Variants in NCAPD3 observed in about 807,000 individuals in gnomAD.
The protein encoded by NCAPD3 is non-SMC condensin II complex subunit D3.
A neutral mutation model predicts 182.9 loss-of-function variants in NCAPD3; 105 were observed. The ratio of observed to expected loss-of-function variants is 0.57; its 90% confidence interval spans 0.49 to 0.68. The LOEUF is 0.68. Among genes scored for constraint, NCAPD3 ranks in the 30% least tolerant of loss-of-function variants. The probability of loss-of-function intolerance (pLI) is 0.00; values close to 1 mark genes in which losing one functional copy is unlikely to be tolerated. For missense variants in NCAPD3, 1,944 were observed against 1,837.0 expected (o/e 1.06, Z -1.07); for synonymous variants, 815 against 679.9 (o/e 1.20, Z -3.09).
rs1260744644 is a variant in NCAPD3, at chr11:134,185,651, A to G, written c.2046-125T>C. The G allele has an allele frequency of 1.3e-5, 9 of 681,780 alleles. No homozygotes were observed. In the East Asian group the frequency reaches 2.0e-4, roughly 15 times the overall value. 42.2% of individuals were successfully genotyped at this position (681,780 alleles called of 1,614,324 possible). On this transcript the variant is annotated intron_variant, in intron 16 of 34. Coordinates refer to ENST00000534548, the MANE Select transcript of NCAPD3 (RefSeq NM_015261.3). ...AGGACTCAAGTGGCACATGAAACTT[A>G]TATGTAGACGTTCCTAATTAGTGGC...
At chr11:134,153,702 G>T in intron 32 of NCAPD3, 1 of 360,188 alleles carries the variant, frequency 2.8e-6, no homozygotes, top group Non-Finnish European at 5.3e-6. Flanking sequence ...CTCCTACTGT[G>T]GCTCACCCAG....
intron 19 of NCAPD3, chr11:134,183,179 G>C (rs1203300111): frequency 2.2e-6 from 1 of 456,138 alleles, no homozygotes; most frequent in African/African-American, 2.0e-5. Context: ...TTAGGAAAAA[G>C]TCAGAGGCCT....
chr11:134,178,311 CAAGTG>C (rs928272362), intron 22 of NCAPD3, among the ~76,000 whole-genome samples: 9 of 152,018 alleles, frequency 5.9e-5, no homozygotes, highest in African/African-American at 1.9e-4. Flanking sequence ...ATATTCAAGT[CAAGTG>C]AAGGTATTGA....
chr11:134,221,043 A>G (rs1324106769), intron 1 of NCAPD3, among the ~76,000 whole-genome samples: 1 of 152,242 alleles, frequency 6.6e-6, no homozygotes, highest in Non-Finnish European at 1.5e-5. Context: ...TGTTCAATCT[A>G]GAGAAGAAAC....
intron 3 of NCAPD3, among the ~76,000 whole-genome samples, chr11:134,213,995 C>T (rs1408270775): frequency 6.6e-6 from 1 of 151,880 alleles, no homozygotes. Context: ...ATTCCTCTCT[C>T]AACAACAGAT....
intron 3 of NCAPD3, among the ~76,000 whole-genome samples, chr11:134,212,223 G>A (rs909321399): frequency 2.0e-5 from 3 of 152,132 alleles, no homozygotes; most frequent in Non-Finnish European, 1.5e-5. Context: ...AAAATTATAG[G>A]AGATTAATCT....
chr11:134,218,808 A>T (rs919152851), intron 2 of NCAPD3, among the ~76,000 whole-genome samples: 1 of 152,132 alleles, frequency 6.6e-6, no homozygotes, highest in Non-Finnish European at 1.5e-5. Context: ...ATTATTACTC[A>T]TAACACCTGG....
chr11:134,184,949 C>A lies in NCAPD3; in HGVS notation c.2289G>T (p.Gly763=). 2 of 1,613,842 alleles carry A rather than the reference C, an allele frequency of 1.2e-6. No individual in the cohort carries two copies. Among genetic ancestry groups the A allele is most frequent in the Non-Finnish European group, 1.7e-6 (2 of 1,179,818 alleles). Residue 763 remains glycine (G), a synonymous_variant, in exon 18 of 35, where the codon GGG becomes GGT. Transcript: ENST00000534548. Reference sequence around the variant, plus strand: ...TCTTAGGAAGATGCTTTGCAATATGCCCAATCACACAGAGAATATGTCCTA... The same window carrying A: ...TCTTAGGAAGATGCTTTGCAATATGACCAATCACACAGAGAATATGTCCTA... ...NTLGHILCVI[G]HIAKHLPKST...
rs189942398 is a variant in NCAPD3 at position 134,194,558 on chromosome 11, G to A, written c.1689+107C>T. The A allele has an allele frequency of 1.7e-3, 1,197 of 713,018 alleles. 9 individuals carry two copies. The African/African-American group carries it at 0.02, about 12-fold the overall frequency. 44.2% of individuals were successfully genotyped at this position (713,018 alleles called of 1,614,324 possible). On this transcript the variant is annotated intron_variant, in intron 14 of 34. Coordinates refer to ENST00000534548, the MANE Select transcript of NCAPD3 (RefSeq NM_015261.3). ...GATCAGGGTCAACTAACAGTTAGGC[G>A]AAAAGCAAATTAAGTAATGAATATG...
At chr11:134,153,818 A>T (rs145131504) in intron 32 of NCAPD3, 17 of 200,406 alleles carry the variant, frequency 8.5e-5, no homozygotes, top group Admixed American at 2.1e-4. Context: ...CACCGTGAGC[A>T]GCTCCTCCAC....
intron 19 of NCAPD3, chr11:134,183,217 T>A: frequency 6.6e-6 from 3 of 454,724 alleles, no homozygotes; most frequent in South Asian, 4.7e-5. Context: ...CTGCCGGTAG[T>A]AAGTTGTGTA....
chr11:134,168,898 A>C lies in NCAPD3; in HGVS notation c.3239+19T>G. On this transcript the variant is annotated intron_variant, in intron 25 of 34. Transcript: ENST00000534548. ...TCTTACCCAGATACAAGGAGACCAG[A>C]CTTAGCTGCTTCACTGACCTCTCTG... 6.2e-7 allele frequency: 1 copy of C among 1,608,132 alleles called. No individual in the cohort carries two copies. Among genetic ancestry groups the C allele is most frequent in the Non-Finnish European group, 8.5e-7 (1 of 1,176,912 alleles).
intron 24 of NCAPD3, among the ~76,000 whole-genome samples, chr11:134,171,922 G>A (rs1183737650): frequency 3.3e-5 from 5 of 152,154 alleles, no homozygotes; most frequent in African/African-American, 7.2e-5. Context: ...GTGCCTTCCT[G>A]CCTTCACCCA....
intron 24 of NCAPD3, among the ~76,000 whole-genome samples, chr11:134,170,582 G>GAC (rs1943983133): frequency 6.6e-6 from 1 of 152,218 alleles, no homozygotes; most frequent in Non-Finnish European, 1.5e-5. Context: ...AAGCCAGATA[G>GAC]AATCAGCAAA....
chr11:134,153,229 G>C, intron 33 of NCAPD3, 29 bp from the exon 34 acceptor site: 1 of 1,613,926 alleles, frequency 6.2e-7, no homozygotes, highest in Non-Finnish European at 8.5e-7. Flanking sequence ...AACACATTCA[G>C]CTTTCCCAGA....
At position 134,157,099 on chromosome 11, in the gene NCAPD3, G is replaced by C. The variant is rs758070530; in HGVS notation, c.4175-4C>G. 6 of 1,609,132 alleles carry C rather than the reference G, an allele frequency of 3.7e-6. No individual in the cohort carries two copies. Among genetic ancestry groups the C allele is most frequent in the Non-Finnish European group, 5.1e-6 (6 of 1,177,126 alleles). The stretch of plus-strand genomic sequence containing the variant: ...TGCTCCAAACTGTATGAAGACACTA[G>C]AACAGAAAAGGTGCTGCTATCCAGA... On this transcript the variant is annotated splice_polypyrimidine_tract_variant and splice_region_variant and intron_variant, in intron 31 of 34. Transcript: ENST00000534548.
chr11:134,159,904 T>C lies in NCAPD3; in HGVS notation c.3855A>G (p.Ala1285=), dbSNP rs1441742315. 1 of 1,612,702 alleles carries C rather than the reference T, an allele frequency of 6.2e-7. No homozygotes were observed. The highest frequency in any genetic ancestry group is 1.7e-5 in the Admixed American group (1 of 59,994). Residue 1285 remains alanine, a synonymous_variant, in exon 29 of 35, where the codon GCA becomes GCG. Coordinates refer to ENST00000534548, the MANE Select transcript of NCAPD3 (RefSeq NM_015261.3). ...GCCCCACACCTACCTGTGCCACAGG[T>C]GCCACCTCAGCACCTCCAGCCGTCC... is the stretch of plus-strand genomic sequence containing the variant. ...VAGTAGGAEV[A]PVAQVALCLE...
chr11:134,167,282 G>C (rs1332216048), intron 27 of NCAPD3, among the ~76,000 whole-genome samples: 1 of 139,496 alleles, frequency 7.2e-6, no homozygotes, highest in Non-Finnish European at 1.5e-5. Context: ...ACACTCACTT[G>C]TGAGATGAGC....
intron 32 of NCAPD3, 25 bp from the exon 33 acceptor site, chr11:134,153,388 A>T (rs1214916605): frequency 1.9e-6 from 3 of 1,606,220 alleles, no homozygotes; most frequent in Non-Finnish European, 2.5e-6. Flanking sequence ...GACACCACTG[A>T]GTGAAAGCCG....
Sources: allele counts gnomAD v4.1 joint callset (sites outside exome capture counted in the v4.1 genomes callset), GRCh38; gene constraint gnomAD v4.1.1; transcripts MANE v1.5; gene names NCBI Gene and HGNC (gene_info 2026-07-23, HGNC 2026-07-21).